The following GPC3 variants were observed in gnomAD, a reference collection of about 807,000 sequenced individuals.
The protein encoded by GPC3 is glypican-3.
GPC3 carries 3 observed loss-of-function variants against 34.4 expected under a neutral mutation model. The observed-to-expected ratio is 0.09, with a 90% CI of 0.04 to 0.23. The LOEUF is 0.23. GPC3 is among the 10% of genes least tolerant of loss of function. GPC3 has a pLI of 1.00. For synonymous variants in GPC3, 177 were observed against 174.0 expected, an observed-to-expected ratio of 1.02 and a Z score of -0.13; for missense variants, 351 against 445.6, an observed-to-expected ratio of 0.79 and a Z score of 1.91.
intron 2 of GPC3, among the ~76,000 whole-genome samples, chrX:133,808,229 C>T (rs774334182): frequency 3.6e-5 from 4 of 112,105 alleles, no homozygotes; most frequent in Non-Finnish European, 7.5e-5. Flanking sequence ...CCCAGGCCCA[C>T]AGGGTTGTTC....
intron 2 of GPC3, among the ~76,000 whole-genome samples, chrX:133,918,948 T>C (rs1451409669): frequency 8.9e-6 from 1 of 111,792 alleles, no homozygotes; most frequent in Non-Finnish European, 1.9e-5. Flanking sequence ...CCACCTCCAC[T>C]GCAGTGGCAG....
intron 2 of GPC3, among the ~76,000 whole-genome samples, chrX:133,892,514 A>G (rs1369940741): frequency 9.0e-6 from 1 of 111,385 alleles, no homozygotes; most frequent in East Asian, 2.8e-4. Context: ...GAGTGATGAA[A>G]GCCATTCTGC....
At chrX:133,644,072 C>T (rs560038483) in intron 6 of GPC3, among the ~76,000 whole-genome samples, 3 of 110,408 alleles carry the variant, frequency 2.7e-5, no homozygotes, top group Non-Finnish European at 3.8e-5. Flanking sequence ...GTGATCTGCC[C>T]GCCTCAGCCT....
intron 2 of GPC3, among the ~76,000 whole-genome samples, chrX:133,895,457 T>C (rs2076107133): frequency 1.8e-5 from 2 of 111,563 alleles, no homozygotes; most frequent in Admixed American, 9.6e-5. Context: ...CCATCAACGT[T>C]TCCTCATAGA....
At chrX:133,936,923 G>T (rs971037283) in intron 2 of GPC3, among the ~76,000 whole-genome samples, 2 of 111,509 alleles carry the variant, frequency 1.8e-5, no homozygotes, top group African/African-American at 6.5e-5. Flanking sequence ...ACAGCCTTTG[G>T]TCTATCTGGC....
chrX:133,829,730 A>G lies in GPC3; in HGVS notation c.338-75554T>C, dbSNP rs184632141. On this transcript the variant is annotated intron_variant, in intron 2 of 7. Coordinates refer to ENST00000370818, the MANE Select transcript of GPC3 (RefSeq NM_004484.4). ...AAAAATAATATACTATGCAAATACT[A>G]ATCAAAAGAAAGCTGGGCTAGCTAT... 5.0e-4 allele frequency among the ~76,000 whole-genome samples: 56 copies of G among 112,195 alleles called. No individual in the cohort carries two copies. In the East Asian group the frequency reaches 0.014, roughly 27 times the overall value.
intron 2 of GPC3, among the ~76,000 whole-genome samples, chrX:133,798,652 T>C (rs1326731260): frequency 8.9e-6 from 1 of 112,588 alleles, no homozygotes; most frequent in Non-Finnish European, 1.9e-5. Flanking sequence ...GTTGCTGCTG[T>C]TGCTGCTATA....
intron 6 of GPC3, among the ~76,000 whole-genome samples, chrX:133,659,631 G>A (rs970495865): frequency 1.8e-5 from 2 of 111,771 alleles, no homozygotes; most frequent in Non-Finnish European, 3.8e-5. Flanking sequence ...CCTCAAGGAG[G>A]CTGTGAGGAC....
At chrX:133,771,560 T>C (rs945556106) in intron 2 of GPC3, among the ~76,000 whole-genome samples, 1 of 111,922 alleles carries the variant, frequency 8.9e-6, no homozygotes, top group Non-Finnish European at 1.9e-5. Flanking sequence ...AATAGTGAAG[T>C]TGACATCACT....
chrX:133,797,160 C>CA (rs2075586116), intron 2 of GPC3, among the ~76,000 whole-genome samples: 1 of 110,491 alleles, frequency 9.1e-6, no homozygotes, highest in Admixed American at 9.7e-5. Flanking sequence ...GTCCTACCCC[C>CA]AAACCTTGGA....
rs1192719181 is a variant in GPC3 at position 133,633,581 on chromosome X, CAA to C, written c.1413+28147_1413+28148del. Among the ~76,000 whole-genome samples the C allele has an allele frequency of 2.7e-5, 3 of 111,842 alleles. No individual in the cohort carries two copies. The South Asian group carries it at 1.1e-3, about 42-fold the overall frequency. ...AGTAGAGGATTTGGAGACCTGGGGT[CAA>C]GAGTCGGCTCTACCAATTTACCAAC... On this transcript the variant is annotated intron_variant, in intron 6 of 7. Transcript: ENST00000370818.
At chrX:133,771,364 C>G (rs2124494460) in intron 2 of GPC3, among the ~76,000 whole-genome samples, 1 of 112,639 alleles carries the variant, frequency 8.9e-6, no homozygotes, top group African/African-American at 3.2e-5. Flanking sequence ...CAGTCACTTT[C>G]CCTAATGAGG....
chrX:133,639,071 G>A (rs761378772), intron 6 of GPC3, among the ~76,000 whole-genome samples: 10 of 111,036 alleles, frequency 9.0e-5, no homozygotes, highest in Non-Finnish European at 1.5e-4. Flanking sequence ...AGAATTCACC[G>A]CACACATCTC....
chrX:133,850,326 T>C (rs2075868212), intron 2 of GPC3, among the ~76,000 whole-genome samples: 1 of 109,609 alleles, frequency 9.1e-6, no homozygotes, highest in African/African-American at 3.3e-5. Context: ...TTCTCTACAG[T>C]CACTGGTAAA....
At chrX:133,602,227 A>C (rs542569766) in intron 6 of GPC3, among the ~76,000 whole-genome samples, 6 of 111,994 alleles carry the variant, frequency 5.4e-5, no homozygotes, top group South Asian at 7.5e-4. Flanking sequence ...AGTTGAGCCC[A>C]TAGAAGTAGA....
chrX:133,678,754 C>T (rs764019468), intron 5 of GPC3, among the ~76,000 whole-genome samples: 4 of 111,959 alleles, frequency 3.6e-5, no homozygotes, highest in African/African-American at 6.5e-5. Flanking sequence ...TGTAATGGTA[C>T]TTTCTTCATG....
At chrX:133,916,402 T>C (rs935849213) in intron 2 of GPC3, among the ~76,000 whole-genome samples, 13 of 111,732 alleles carry the variant, frequency 1.2e-4, no homozygotes, top group Non-Finnish European at 1.9e-4. Flanking sequence ...GGTCTTAGTA[T>C]TATGGGTGAA....
intron 2 of GPC3, among the ~76,000 whole-genome samples, chrX:133,931,132 C>T (rs1170851412): frequency 9.0e-6 from 1 of 111,203 alleles, no homozygotes; most frequent in Non-Finnish European, 1.9e-5. Context: ...TATAGGGTTG[C>T]TGTGAGGATT....
chrX:133,614,672 T>C (rs1011565918), intron 6 of GPC3, among the ~76,000 whole-genome samples: 1 of 111,445 alleles, frequency 9.0e-6, no homozygotes, highest in African/African-American at 3.3e-5. Flanking sequence ...AGAAATAAAG[T>C]ATATTAGGAA....
Sources: gnomAD v4.1 joint callset for allele counts (sites outside exome capture counted in the v4.1 genomes callset) on GRCh38, gnomAD v4.1.1 for gene constraint, MANE v1.5 for transcripts, NCBI Gene and HGNC (gene_info 2026-07-23, HGNC 2026-07-21) for gene names.